PPP1R21: variants seen among roughly 807,000 people sequenced by gnomAD.
PPP1R21 encodes the protein protein phosphatase 1 regulatory subunit 21, also known as KLRAQ motif containing 1.
Under a neutral mutation model 112.8 loss-of-function variants are expected in PPP1R21, and 85 were observed. The ratio of observed to expected loss-of-function variants is 0.75; its 90% CI spans 0.63 to 0.90. PPP1R21 has a LOEUF of 0.90. PPP1R21 is among the 40% of genes least tolerant of loss of function. The probability of loss-of-function intolerance (pLI) is 0.00; values close to 1 mark genes in which losing one functional copy is unlikely to be tolerated. For synonymous variants in PPP1R21, 381 were observed against 322.3 expected (o/e 1.18, Z -1.95); for missense variants, 1,199 against 901.5 (o/e 1.33, Z -4.23).
At chr2:48,469,113 T>C (rs1384054741) in intron 9 of PPP1R21, among the ~76,000 whole-genome samples, 1 of 151,508 alleles carries the variant, frequency 6.6e-6, no homozygotes. Context: ...ACTTATCCAC[T>C]ATCATGAGAC....
rs1667896538 is a variant in PPP1R21, at chr2:48,459,816, T to C, written c.438T>C (p.Thr146=). ...VEAELRSRLA[T]LETEAAQHQA... ...CAGAGCTGAGGAGTCGACTGGCCAC[T>C]CTGGAGACAGAAGCAGCCCAGCACC... is the stretch of plus-strand genomic sequence containing the variant. Residue 146 remains threonine, a synonymous_variant, in exon 5 of 22, where the codon ACT becomes ACC. Coordinates refer to ENST00000294952, the MANE Select transcript of PPP1R21 (RefSeq NM_001135629.3). 3.1e-6 allele frequency: 5 copies of C among 1,614,096 alleles called. No individual in the cohort carries two copies. Among genetic ancestry groups the C allele is most frequent in the Non-Finnish European group, 4.2e-6 (5 of 1,180,032 alleles).
chr2:48,490,218 C>CAAAAAAAAAAAAAAAAAAAA (rs70943343), intron 14 of PPP1R21, among the ~76,000 whole-genome samples: 1 of 93,954 alleles, frequency 1.1e-5, no homozygotes, highest in African/African-American at 4.2e-5. Flanking sequence ...GACGCCGACT[C>CAAAAAAAAAAAAAAAAAAAA]AAAAAAAAAA....
rs1235700954 is a variant in PPP1R21 at position 48,498,722 on chromosome 2, A to G, written c.1922A>G (p.Gln641Arg). ...ATAKAVLEPI[Q>R]STSLIGTLTR... ...GCTAAGGCTGTGTTGGAGCCCATTC[A>G]GAGCACCAGTCTAGTAAGTGTCTTC... is the stretch of plus-strand genomic sequence containing the variant. The change falls in exon 17 of 22, where the codon CAG (glutamine) becomes CGG (arginine). Residue 641 changes from glutamine (Q) to arginine (R), a missense_variant. Physicochemically the swap from Gln to Arg is conservative, Grantham distance 43. Transcript: ENST00000294952. The G allele has an allele frequency of 6.2e-7, 1 of 1,614,192 alleles. No individual in the cohort carries two copies. The highest frequency in any genetic ancestry group is 1.1e-5 in the South Asian group (1 of 91,072).
In PPP1R21 at chr2:48,441,003, A is replaced by G. The variant is rs1410805211; in HGVS notation, c.50A>G (p.Tyr17Cys). Residue 17 changes from tyrosine (Y) to cysteine (C), a missense_variant, in exon 1 of 22, where the codon TAC becomes TGC. By Grantham distance (194) the Tyr-to-Cys change is radical. Transcript: ENST00000294952. ...QGKYQKLAQE[Y>C]SKLRAQNQVL... Reference sequence around the variant, plus strand: ...AAGTACCAGAAGCTGGCTCAGGAGTACTCGAAGGTACCCATCGTGGTCTGG... The same window carrying G: ...AAGTACCAGAAGCTGGCTCAGGAGTGCTCGAAGGTACCCATCGTGGTCTGG... 7 of 1,606,984 alleles carry G rather than the reference A, an allele frequency of 4.4e-6. No individual in the cohort carries two copies. Among genetic ancestry groups the G allele is most frequent in the Non-Finnish European group, 5.1e-6 (6 of 1,174,514 alleles).
rs189583989 is a variant in PPP1R21, at chr2:48,480,714, G to A, written c.1318+698G>A. ...AGGGAAAGCAGGGGAAGGAGGAGAC[G>A]GGCAGGAGCAATCTATTAAGGACTA... On this transcript the variant is annotated intron_variant, in intron 13 of 21. Coordinates refer to ENST00000294952, the MANE Select transcript of PPP1R21 (RefSeq NM_001135629.3). 3.3e-3 allele frequency among the ~76,000 whole-genome samples: 508 copies of A among 152,006 alleles called. 5 individuals are homozygous for A. The highest frequency in any genetic ancestry group is 0.012 in the African/African-American group (480 of 41,452).
At chr2:48,443,695 C>A (rs1482063511) in intron 1 of PPP1R21, among the ~76,000 whole-genome samples, 1 of 152,182 alleles carries the variant, frequency 6.6e-6, no homozygotes, top group Admixed American at 6.5e-5. Context: ...CAAAAGATTT[C>A]TTGTGCTTTT....
chr2:48,470,378 C>T (rs1668444571), intron 9 of PPP1R21, among the ~76,000 whole-genome samples: 3 of 151,840 alleles, frequency 2.0e-5, no homozygotes, highest in East Asian at 3.9e-4. Context: ...ATTAGCTGGG[C>T]GTAGTGGTGA....
intron 13 of PPP1R21, 131 bp from the exon 14 acceptor site, chr2:48,486,500 C>A: frequency 1.5e-6 from 1 of 667,540 alleles, no homozygotes; most frequent in Non-Finnish European, 2.5e-6. Context: ...GCAATCCTGA[C>A]ACTTGAGACC....
intron 21 of PPP1R21, among the ~76,000 whole-genome samples, chr2:48,514,146 C>T (rs978411981): frequency 6.8e-5 from 10 of 147,822 alleles, no homozygotes; most frequent in East Asian, 4.0e-4. Flanking sequence ...ATTCTCCCGG[C>T]GCCATCTTGG....
At chr2:48,446,998 G>C (rs980724479) in intron 1 of PPP1R21, among the ~76,000 whole-genome samples, 1 of 152,118 alleles carries the variant, frequency 6.6e-6, no homozygotes, top group Admixed American at 6.5e-5. Flanking sequence ...TGATCTGCCC[G>C]CCTCAGCCTC....
intron 1 of PPP1R21, among the ~76,000 whole-genome samples, chr2:48,445,422 C>G (rs1025003092): frequency 6.6e-6 from 1 of 152,138 alleles, no homozygotes; most frequent in East Asian, 1.9e-4. Context: ...TTGGACAGTG[C>G]TAGCTTAGAC....
rs184676771 is a variant in PPP1R21 at position 48,480,054 on chromosome 2, C to T, written c.1318+38C>T. 19 of 1,368,812 alleles carry T rather than the reference C, an allele frequency of 1.4e-5. No homozygotes were observed. The Admixed American group carries it at 1.8e-4, about 13-fold the overall frequency. The allele number at this position is 1,368,812 out of a possible 1,614,324, so 84.8% of individuals were successfully genotyped here. On this transcript the variant is annotated intron_variant, in intron 13 of 21. Transcript: ENST00000294952. ...AAAGAACGTAAGCTTAAAACCTTTG[C>T]CCCACTTTCTTCGATCTGCCTGAAT...
At chr2:48,451,180 A>G in intron 2 of PPP1R21, 104 bp downstream of exon 2, 1 of 856,404 alleles carries the variant, frequency 1.2e-6, no homozygotes, top group South Asian at 1.4e-5. Flanking sequence ...TCTGACACTG[A>G]TTCACTAGGG....
chr2:48,475,572 G>C (rs535683242), intron 12 of PPP1R21, among the ~76,000 whole-genome samples: 2 of 152,190 alleles, frequency 1.3e-5, no homozygotes, highest in Admixed American at 1.3e-4. Context: ...TCAGGGCCGG[G>C]CGCGGTGGCT....
At chr2:48,498,220 G>C (rs945869999) in intron 16 of PPP1R21, among the ~76,000 whole-genome samples, 5 of 151,004 alleles carry the variant, frequency 3.3e-5, no homozygotes, top group Non-Finnish European at 5.9e-5. Flanking sequence ...ATGCTTTACA[G>C]ATTCTAATTC....
chr2:48,504,750 C>T (rs538154374), intron 17 of PPP1R21, among the ~76,000 whole-genome samples: 9 of 152,324 alleles, frequency 5.9e-5, no homozygotes, highest in South Asian at 4.1e-4. Context: ...CAAGCACATG[C>T]CCCACCACCT....
rs1334465317 is a variant in PPP1R21 at position 48,471,270 on chromosome 2, C to T, written c.1000-9C>T. The T allele has an allele frequency of 6.2e-7, 1 of 1,608,970 alleles. No individual in the cohort carries two copies. Among genetic ancestry groups the T allele is most frequent in the South Asian group, 1.1e-5 (1 of 90,160 alleles). ...CACTTTTAACCTTGAAATTATTTTT[C>T]TTTTCCAGGAGACAACTGTGAAATT... is the stretch of plus-strand genomic sequence containing the variant. On this transcript the variant is annotated splice_polypyrimidine_tract_variant and intron_variant, in intron 10 of 21. Coordinates refer to ENST00000294952, the MANE Select transcript of PPP1R21 (RefSeq NM_001135629.3).
chr2:48,483,809 C>G (rs1227449846), intron 13 of PPP1R21, among the ~76,000 whole-genome samples: 1 of 152,022 alleles, frequency 6.6e-6, no homozygotes, highest in Non-Finnish European at 1.5e-5. Context: ...GGGAATGCCT[C>G]CAAAATGTCA....
At chr2:48,442,710 G>A (rs550274567) in intron 1 of PPP1R21, among the ~76,000 whole-genome samples, 1 of 152,336 alleles carries the variant, frequency 6.6e-6, no homozygotes, top group South Asian at 2.1e-4. Context: ...TGAAGGAGTA[G>A]TAGCTTTCCA....
Sources: allele counts gnomAD v4.1 joint callset (sites outside exome capture counted in the v4.1 genomes callset), GRCh38; gene constraint gnomAD v4.1.1; transcripts MANE v1.5; gene names NCBI Gene and HGNC (gene_info 2026-07-23, HGNC 2026-07-21).